The following QRICH1 variants were observed in gnomAD, a reference collection of about 807,000 sequenced individuals.
QRICH1 encodes glutamine rich 1.
QRICH1 carries 16 observed loss-of-function variants against 87.1 expected under a neutral mutation model. The observed-to-expected ratio is 0.18, with a 90% CI of 0.12 to 0.28. QRICH1 has a LOEUF of 0.28. Ranked by LOEUF, QRICH1 falls within the 10% of genes least tolerant of loss-of-function variation. QRICH1 has a pLI of 1.00. For synonymous variants in QRICH1, 367 were observed against 368.4 expected (o/e 1.00, Z 0.05); for missense variants, 647 against 951.7 (o/e 0.68, Z 4.21).
chr3:49,045,326 C>CAAAAAAAAAAAAAAA (rs150401256), intron 5 of QRICH1, among the ~76,000 whole-genome samples: 1 of 101,834 alleles, frequency 9.8e-6, no homozygotes, highest in Admixed American at 1.0e-4. Context: ...TTGTGAATTA[C>CAAAAAAAAAAAAAAA]AAAAAAAAAA....
At chr3:49,053,485 T>TC (rs1553742888) in intron 3 of QRICH1, among the ~76,000 whole-genome samples, 2 of 21,202 alleles carry the variant, frequency 9.4e-5, no homozygotes, top group Admixed American at 4.8e-4. Context: ...ACCCCCTGTC[T>TC]CAAAAAAAAA....
intron 3 of QRICH1, among the ~76,000 whole-genome samples, chr3:49,047,479 G>GTTT (rs397724825): frequency 6.3e-4 from 69 of 109,010 alleles, no homozygotes; most frequent in African/African-American, 7.6e-4. Flanking sequence ...ACTTTTAAAT[G>GTTT]TTTTTTTTTT....
intron 6 of QRICH1, among the ~76,000 whole-genome samples, chr3:49,036,958 G>A (rs2093278696): frequency 6.6e-6 from 1 of 151,710 alleles, no homozygotes; most frequent in African/African-American, 2.4e-5. Context: ...CAGCTACATG[G>A]AGGGCTGAGG....
intron 1 of QRICH1, chr3:49,093,116 C>T (rs2042309684): frequency 6.6e-6 from 1 of 152,210 alleles, no homozygotes; most frequent in Admixed American, 6.5e-5. Flanking sequence ...ACTCAAGGGC[C>T]TTCTAATATT....
intron 1 of QRICH1, among the ~76,000 whole-genome samples, chr3:49,090,571 T>C (rs1455262492): frequency 1.4e-5 from 2 of 143,084 alleles, no homozygotes; most frequent in African/African-American, 5.2e-5. Context: ...GAGGTTGCAG[T>C]GAGCCGAAAT....
intron 1 of QRICH1, among the ~76,000 whole-genome samples, chr3:49,077,739 GTACT>G (rs1248006003): frequency 2.6e-5 from 4 of 152,120 alleles, no homozygotes; most frequent in Non-Finnish European, 5.9e-5. Flanking sequence ...GGACACAATA[GTACT>G]TACCTCACAG....
chr3:49,069,111 T>TA (rs1245881222), intron 2 of QRICH1, among the ~76,000 whole-genome samples: 8 of 145,610 alleles, frequency 5.5e-5, no homozygotes, highest in East Asian at 4.0e-4. Context: ...ATTATTATTT[T>TA]TTTTTTTTTT....
chr3:49,050,701 AAC>A, intron 3 of QRICH1, among the ~76,000 whole-genome samples: 6 of 151,642 alleles, frequency 4.0e-5, no homozygotes, highest in Non-Finnish European at 5.9e-5. Context: ...AAAAAACAAC[AAC>A]AACAACAACA....
In QRICH1 at chr3:49,057,626, G is replaced by T; in HGVS notation, c.574C>A (p.His192Asn). The part of the protein sequence containing the change: ...AAEIPEEHIP[H>N]QQIQAQLVAG... ...ACCAGCTGAGCCTGGATTTGCTGAT[G>T]TGGGATGTGCTCCTCCGGGATTTCT... Residue 192 changes from histidine to asparagine, a missense_variant, in exon 3 of 10, where the codon CAT (histidine) becomes AAT (asparagine). Coordinates refer to ENST00000395443, the MANE Select transcript of QRICH1 (RefSeq NM_198880.3). This position sits in a 1 kb window ranked among gnomAD's most constrained non-coding sequence, Gnocchi z 5.4. 6.2e-7 allele frequency: 1 copy of T among 1,614,220 alleles called. No homozygotes were observed. Among genetic ancestry groups the T allele is most frequent in the Non-Finnish European group, 8.5e-7 (1 of 1,180,030 alleles).
At chr3:49,062,297 T>C (rs1234314022) in intron 2 of QRICH1, among the ~76,000 whole-genome samples, 2 of 146,276 alleles carry the variant, frequency 1.4e-5, no homozygotes, top group African/African-American at 5.1e-5. Context: ...GGCGCCACTA[T>C]ACCCAGCCCA....
At chr3:49,045,983 T>C (rs1222736426) in intron 5 of QRICH1, among the ~76,000 whole-genome samples, 1 of 151,362 alleles carries the variant, frequency 6.6e-6, no homozygotes, top group Admixed American at 6.6e-5. Flanking sequence ...TGCTGTGATC[T>C]CAGCTCATTG....
At chr3:49,092,673 G>C (rs2042298869) in intron 1 of QRICH1, among the ~76,000 whole-genome samples, 1 of 152,038 alleles carries the variant, frequency 6.6e-6, no homozygotes, top group South Asian at 2.1e-4. Flanking sequence ...TTAGAAAAAA[G>C]AGGTGCCTAT....
chr3:49,071,375 G>A (rs961899311), intron 2 of QRICH1, among the ~76,000 whole-genome samples: 6 of 152,004 alleles, frequency 3.9e-5, no homozygotes, highest in Non-Finnish European at 7.4e-5. Context: ...GAGAAAGCGG[G>A]GCCAGGTGTA....
intron 2 of QRICH1, among the ~76,000 whole-genome samples, chr3:49,064,930 C>G (rs1408637844): frequency 1.3e-5 from 2 of 151,906 alleles, no homozygotes; most frequent in East Asian, 1.9e-4. Flanking sequence ...GACAGGAGAA[C>G]AGCCTGAACC....
chr3:49,052,247 G>A (rs2093375310), intron 3 of QRICH1, among the ~76,000 whole-genome samples: 1 of 152,102 alleles, frequency 6.6e-6, no homozygotes, highest in South Asian at 2.1e-4. Context: ...TGACTCCTGG[G>A]TTTCTGGTTT....
chr3:49,057,790 A>T lies in QRICH1; in HGVS notation c.410T>A (p.Val137Glu). 1.2e-6 allele frequency: 2 copies of T among 1,614,110 alleles called. No individual in the cohort carries two copies. The highest frequency in any genetic ancestry group is 1.7e-6 in the Non-Finnish European group (2 of 1,180,016). Residue 137 changes from valine (V) to glutamate (E), a missense_variant, in exon 3 of 10, where the codon GTG becomes GAG. Physicochemically the swap from Val to Glu is moderately radical, Grantham distance 121 (BLOSUM62 -2). Transcript: ENST00000395443. The surrounding 1 kb of genome is among the most constrained non-coding windows in gnomAD (Gnocchi z 5.4). ...QPTEQPIQVQ[V>E]QIQGQAPQSA... ...CTGTGGTGCCTGGCCTTGGATCTGC[A>T]CCTGGACCTGGATGGGTTGCTCAGT...
Position 49,056,849 on chromosome 3 carries a change from A to C in QRICH1, c.1338+13T>G. ...GACCAGGCTGCCTGCCCTACTGATA[A>C]GTCTTCACTTACTGAACAAGTAACT... On this transcript the variant is annotated intron_variant, in intron 3 of 9. Coordinates refer to ENST00000395443, the MANE Select transcript of QRICH1 (RefSeq NM_198880.3). The C allele has an allele frequency of 6.2e-7, 1 of 1,614,174 alleles. No homozygotes were observed. Among genetic ancestry groups the C allele is most frequent in the African/African-American group, 1.3e-5 (1 of 75,052 alleles).
chr3:49,048,802 A>C (rs1383965049), intron 3 of QRICH1, among the ~76,000 whole-genome samples: 1 of 127,072 alleles, frequency 7.9e-6, no homozygotes, highest in South Asian at 2.5e-4. Flanking sequence ...AAAAAAAACC[A>C]AAAAAAAAAA....
rs1022124679 is a variant in QRICH1, at chr3:49,029,746, G to A, written c.*706C>T. 1.8e-5 allele frequency: 6 copies of A among 327,380 alleles called. No homozygotes were observed. The highest frequency in any genetic ancestry group is 1.3e-4 in the African/African-American group (6 of 46,680). The allele number at this position is 327,380 out of a possible 1,614,324, so 20.3% of individuals were successfully genotyped here. A position where few individuals can be genotyped will look rare whatever the true frequency, so the allele number is the denominator to read the frequency against. Reference sequence around the variant, plus strand: ...GCTTGTCATTCTTAATAAACAACTAGAGTAAGAATACATAAGAGAAACAGA... The same window carrying A: ...GCTTGTCATTCTTAATAAACAACTAAAGTAAGAATACATAAGAGAAACAGA... On this transcript the variant is annotated 3_prime_UTR_variant, in exon 10 of 10. Coordinates refer to ENST00000395443, the MANE Select transcript of QRICH1 (RefSeq NM_198880.3).
Sources: allele counts gnomAD v4.1 joint callset (sites outside exome capture counted in the v4.1 genomes callset), GRCh38; gene constraint gnomAD v4.1.1; non-coding constraint Gnocchi (gnomAD v3.1); transcripts MANE v1.5; gene names NCBI Gene and HGNC (gene_info 2026-07-23, HGNC 2026-07-21).